The following CDH13 variants were observed in gnomAD, a reference collection of about 807,000 sequenced individuals.
CDH13 encodes the protein cadherin-13.
A neutral mutation model predicts 63.8 loss-of-function variants in CDH13; 24 were observed. That is an observed-to-expected ratio of 0.38 (90% confidence interval 0.27 to 0.53). The LOEUF is 0.53. CDH13 is among the 20% of genes least tolerant of loss of function. The pLI is 0.85. For missense variants in CDH13, 1,049 were observed against 903.1 expected (o/e 1.16, Z -2.07); for synonymous variants, 503 against 355.3 (o/e 1.42, Z -4.67).
At chr16:83,100,908 C>T (rs914570075) in intron 3 of CDH13, among the ~76,000 whole-genome samples, 13 of 152,276 alleles carry the variant, frequency 8.5e-5, no homozygotes, top group Admixed American at 8.5e-4. Flanking sequence ...TTTTGTATTT[C>T]ACACATCATT....
intron 3 of CDH13, among the ~76,000 whole-genome samples, chr16:83,081,371 C>T (rs1028227619): frequency 2.6e-5 from 4 of 152,110 alleles, no homozygotes; most frequent in African/African-American, 9.7e-5. Flanking sequence ...AACACAGGAT[C>T]ACAGCTATGC....
intron 1 of CDH13, among the ~76,000 whole-genome samples, chr16:82,841,657 T>C (rs1464376374): frequency 6.6e-6 from 1 of 151,422 alleles, no homozygotes; most frequent in Non-Finnish European, 1.5e-5. Flanking sequence ...TTTTAACTCA[T>C]ACATAGTGTA....
At chr16:83,565,375 C>T (rs1001203773) in intron 7 of CDH13, among the ~76,000 whole-genome samples, 4 of 117,078 alleles carry the variant, frequency 3.4e-5, no homozygotes, top group Non-Finnish European at 6.6e-5. Flanking sequence ...CGTTCCTCTT[C>T]CACTGTTCTT....
chr16:82,912,027 A>C (rs1039709921), intron 2 of CDH13, among the ~76,000 whole-genome samples: 1 of 152,030 alleles, frequency 6.6e-6, no homozygotes, highest in Non-Finnish European at 1.5e-5. Context: ...TGCAGCCCTC[A>C]GAGCCCCAGC....
At chr16:83,594,435 T>C (rs1441752033) in intron 7 of CDH13, among the ~76,000 whole-genome samples, 1 of 147,026 alleles carries the variant, frequency 6.8e-6, no homozygotes, top group Non-Finnish European at 1.5e-5. Context: ...CACATATTGA[T>C]TGACTCCTTC....
intron 10 of CDH13, among the ~76,000 whole-genome samples, chr16:83,701,027 G>A (rs1906140636): frequency 1.3e-5 from 2 of 152,198 alleles, no homozygotes; most frequent in Admixed American, 1.3e-4. Context: ...CTCTGAGGAT[G>A]TATGGCCCTG....
intron 10 of CDH13, among the ~76,000 whole-genome samples, chr16:83,709,562 T>C (rs997445756): frequency 4.6e-5 from 7 of 152,238 alleles, no homozygotes; most frequent in Non-Finnish European, 8.8e-5. Flanking sequence ...GCTTTATACA[T>C]AGCAAACACC....
chr16:83,375,984 A>G (rs1404028693), intron 6 of CDH13, among the ~76,000 whole-genome samples: 1 of 152,160 alleles, frequency 6.6e-6, no homozygotes, highest in African/African-American at 2.4e-5. Flanking sequence ...AAAAAATTGC[A>G]TCAGCTCATT....
chr16:83,277,151 A>G (rs1274188150), intron 5 of CDH13, among the ~76,000 whole-genome samples: 2 of 152,148 alleles, frequency 1.3e-5, no homozygotes, highest in Admixed American at 6.5e-5. Context: ...TAAATACTGG[A>G]TAGGTGGATT....
chr16:82,843,013 G>A (rs528796952), intron 1 of CDH13, among the ~76,000 whole-genome samples: 69 of 152,258 alleles, frequency 4.5e-4, no homozygotes, highest in Non-Finnish European at 7.8e-4. Flanking sequence ...TCATGGGCCC[G>A]CCACTCACCT....
chr16:83,117,319 C>T (rs901651329), intron 3 of CDH13, among the ~76,000 whole-genome samples: 3 of 152,172 alleles, frequency 2.0e-5, no homozygotes, highest in Non-Finnish European at 2.9e-5. Flanking sequence ...CACACTGAAG[C>T]TCCGCCATGC....
chr16:83,393,155 C>G (rs2091820917), intron 6 of CDH13, among the ~76,000 whole-genome samples: 1 of 152,130 alleles, frequency 6.6e-6, no homozygotes, highest in Non-Finnish European at 1.5e-5. Context: ...TGGTGCTATT[C>G]CGTGAGACCA....
At chr16:83,449,327 C>G (rs1049802265) in intron 6 of CDH13, among the ~76,000 whole-genome samples, 1 of 151,960 alleles carries the variant, frequency 6.6e-6, no homozygotes, top group Non-Finnish European at 1.5e-5. Flanking sequence ...CTCATGGTAC[C>G]AAGAGGAAAA....
rs568705885 is a variant in CDH13 at position 83,115,892 on chromosome 16, C to G, written c.367-9493C>G. 1.4e-4 allele frequency among the ~76,000 whole-genome samples: 22 copies of G among 152,308 alleles called. No homozygotes were observed. The South Asian group carries it at 4.1e-3, about 29-fold the overall frequency. The stretch of plus-strand genomic sequence containing the variant: ...GGAGGGCAGAAAGAGGGAATGAGGA[C>G]AAATTATCTGGACACTGTTTGTCTG... On this transcript the variant is annotated intron_variant, in intron 3 of 13. Coordinates refer to ENST00000567109, the MANE Select transcript of CDH13 (RefSeq NM_001257.5).
intron 2 of CDH13, among the ~76,000 whole-genome samples, chr16:82,877,992 A>G (rs1263253945): frequency 6.6e-6 from 1 of 151,778 alleles, no homozygotes; most frequent in Non-Finnish European, 1.5e-5. Flanking sequence ...ATATATGTAT[A>G]TATATTCTCA....
At chr16:83,769,474 A>G (rs554850514) in intron 11 of CDH13, among the ~76,000 whole-genome samples, 1 of 152,324 alleles carries the variant, frequency 6.6e-6, no homozygotes, top group South Asian at 2.1e-4. Flanking sequence ...TAGCTTGGAA[A>G]GACACAAAGT....
At position 83,678,443 on chromosome 16, in the gene CDH13, T is replaced by C; in HGVS notation, c.1520T>C (p.Leu507Pro). 2 of 1,613,948 alleles carry C rather than the reference T, an allele frequency of 1.2e-6. No individual in the cohort carries two copies. Among genetic ancestry groups the C allele is most frequent in the Non-Finnish European group, 1.7e-6 (2 of 1,179,856 alleles). ...LTVNATDPDS[L>P]QHQTIRYSVY... ...GTGAATGCCACGGACCCCGACTCCC[T>C]GCAGCATCAAACCATCAGGTGGGTG... is the stretch of plus-strand genomic sequence containing the variant. The change falls in exon 10 of 14, where the codon CTG becomes CCG. Residue 507 changes from leucine to proline, a missense_variant. Physicochemically the swap from Leu to Pro is moderately conservative, Grantham distance 98. Transcript: ENST00000567109.
At chr16:83,428,544 G>A (rs1259535313) in intron 6 of CDH13, among the ~76,000 whole-genome samples, 1 of 152,148 alleles carries the variant, frequency 6.6e-6, no homozygotes, top group Non-Finnish European at 1.5e-5. Flanking sequence ...GTGATGTTTT[G>A]TTAAATAACT....
At chr16:83,106,010 C>T (rs1419851516) in intron 3 of CDH13, among the ~76,000 whole-genome samples, 7 of 152,188 alleles carry the variant, frequency 4.6e-5, no homozygotes, top group South Asian at 2.1e-4. Flanking sequence ...GAACAATGTC[C>T]GCCTTCACAA....
Sources: allele counts gnomAD v4.1 joint callset (sites outside exome capture counted in the v4.1 genomes callset), GRCh38; gene constraint gnomAD v4.1.1; transcripts MANE v1.5; gene names NCBI Gene and HGNC (gene_info 2026-07-23, HGNC 2026-07-21).